GALNT14: variants seen among roughly 807,000 people sequenced by gnomAD.
The protein encoded by GALNT14 is polypeptide N-acetylgalactosaminyltransferase 14.
Under a neutral mutation model 77.5 loss-of-function variants are expected in GALNT14, and 60 were observed. That is an observed-to-expected ratio of 0.77 (90% CI 0.63 to 0.96). The LOEUF (loss-of-function observed/expected upper bound fraction) is 0.96, where lower values mean the gene tolerates loss of function less well. Ranked by LOEUF, GALNT14 falls within the 40% of genes least tolerant of loss-of-function variation. The pLI is 0.00. For synonymous variants in GALNT14, 280 were observed against 281.7 expected, an observed-to-expected ratio of 0.99 and a Z score of 0.06; for missense variants, 710 against 731.0, an observed-to-expected ratio of 0.97 and a Z score of 0.33.
intron 9 of GALNT14, among the ~76,000 whole-genome samples, chr2:30,933,761 A>T (rs557916141): frequency 5.4e-4 from 83 of 152,374 alleles, no homozygotes; most frequent in African/African-American, 2.0e-3. Flanking sequence ...CCAAGTCCGC[A>T]GTAACCAGCT....
intron 1 of GALNT14, among the ~76,000 whole-genome samples, chr2:30,996,469 C>T (rs1032594593): frequency 1.3e-5 from 2 of 152,230 alleles, no homozygotes; most frequent in Non-Finnish European, 2.9e-5. Flanking sequence ...TGGGTCATTG[C>T]CTCCCTGTGC....
In GALNT14 at chr2:31,061,889, T is replaced by A. The variant is rs150537227; in HGVS notation, c.130-68882A>T. ...ATTACCACATCTTATAACCCTCCCA[T>A]CCTCCCCCAGGTGCCTACTGCTACC... On this transcript the variant is annotated intron_variant, in intron 1 of 14. Coordinates refer to ENST00000349752, the MANE Select transcript of GALNT14 (RefSeq NM_024572.4). Among the ~76,000 whole-genome samples the A allele has an allele frequency of 1.3e-3, 204 of 152,136 alleles. 1 individual carries two copies. Among genetic ancestry groups the A allele is most frequent in the African/African-American group, 4.6e-3 (189 of 41,530 alleles).
At chr2:31,006,766 G>A (rs1573142748) in intron 1 of GALNT14, among the ~76,000 whole-genome samples, 1 of 152,182 alleles carries the variant, frequency 6.6e-6, no homozygotes, top group Admixed American at 6.5e-5. Flanking sequence ...AATATGGCTA[G>A]GAAGACAGTT....
chr2:30,906,010 C>T (rs1664133164), downstream of GALNT14, among the ~76,000 whole-genome samples: 1 of 150,684 alleles, frequency 6.6e-6, no homozygotes, highest in Non-Finnish European at 1.5e-5. Context: ...CAAGCAAATG[C>T]TGAGAGATTT....
intron 1 of GALNT14, among the ~76,000 whole-genome samples, chr2:31,096,821 C>T (rs1677024781): frequency 6.6e-6 from 1 of 152,116 alleles, no homozygotes; most frequent in Admixed American, 6.6e-5. Context: ...CCAGCACCAC[C>T]ACCACCATCC....
At position 30,910,729 on chromosome 2, in the gene GALNT14, A is replaced by T; in HGVS notation, c.*172T>A. ...TGTCTTTGAGCCCCATTGGCTTGTGATGTTTTCCTCTGTCCTCCCTGAGAC... is the reference window on the plus strand; with the variant it reads ...TGTCTTTGAGCCCCATTGGCTTGTGTTGTTTTCCTCTGTCCTCCCTGAGAC... On this transcript the variant is annotated 3_prime_UTR_variant, in exon 15 of 15. Transcript: ENST00000349752. The T allele has an allele frequency of 1.6e-6, 1 of 621,950 alleles. No homozygotes were observed. The highest frequency in any genetic ancestry group is 2.7e-6 in the Non-Finnish European group (1 of 368,958). 38.5% of individuals were successfully genotyped at this position (621,950 alleles called of 1,614,324 possible). A position where few individuals can be genotyped will look rare whatever the true frequency, so the allele number is the denominator to read the frequency against.
chr2:30,935,094 C>A (rs1373809099), intron 9 of GALNT14, among the ~76,000 whole-genome samples: 1 of 152,200 alleles, frequency 6.6e-6, no homozygotes, highest in African/African-American at 2.4e-5. Context: ...CCTTCATTTA[C>A]TTCTGGGCCA....
At chr2:30,963,748 A>T (rs1478397905) in intron 3 of GALNT14, among the ~76,000 whole-genome samples, 1 of 152,158 alleles carries the variant, frequency 6.6e-6, no homozygotes, top group African/African-American at 2.4e-5. Flanking sequence ...TAGGGTTTGG[A>T]TTTGACTCCA....
chr2:31,009,458 CCCT>C (rs1670885438), intron 1 of GALNT14, among the ~76,000 whole-genome samples: 1 of 152,160 alleles, frequency 6.6e-6, no homozygotes, highest in Non-Finnish European at 1.5e-5. Context: ...TAGCCCTGGT[CCCT>C]CCTCTCCACT....
At position 31,093,884 on chromosome 2, in the gene GALNT14, G is replaced by A. The variant is rs1676877955; in HGVS notation, c.129+44074C>T. On this transcript the variant is annotated intron_variant, in intron 1 of 14. Coordinates refer to ENST00000349752, the MANE Select transcript of GALNT14 (RefSeq NM_024572.4). ...TCCTACACTGAAGTACCCCAAGCAG[G>A]ACCTGAGAGGTCCTTCTCAATCATG... 2.0e-5 allele frequency among the ~76,000 whole-genome samples: 3 copies of A among 152,178 alleles called. No individual in the cohort carries two copies. The South Asian group carries it at 6.2e-4, about 32-fold the overall frequency.
chr2:31,113,464 C>G lies in GALNT14; in HGVS notation c.129+24494G>C, dbSNP rs185639074. Reference sequence around the variant, plus strand: ...CCCCTGGGAGGAAGGCAACTCCAGTCGTCAAGAATGTTCTGAGGGGATCTC... The same window carrying G: ...CCCCTGGGAGGAAGGCAACTCCAGTGGTCAAGAATGTTCTGAGGGGATCTC... On this transcript the variant is annotated intron_variant, in intron 1 of 14. Transcript: ENST00000349752. 1.9e-3 allele frequency among the ~76,000 whole-genome samples: 289 copies of G among 152,180 alleles called. 4 individuals carry two copies. The highest frequency in any genetic ancestry group is 6.6e-3 in the African/African-American group (275 of 41,506).
intron 1 of GALNT14, among the ~76,000 whole-genome samples, chr2:31,038,266 G>A (rs1007062186): frequency 6.6e-6 from 1 of 150,716 alleles, no homozygotes; most frequent in African/African-American, 2.4e-5. Flanking sequence ...GCTAATTTTT[G>A]TATTTTTAGT....
At chr2:30,983,645 A>G (rs900262953) in intron 2 of GALNT14, among the ~76,000 whole-genome samples, 4 of 152,198 alleles carry the variant, frequency 2.6e-5, no homozygotes, top group Non-Finnish European at 4.4e-5. Context: ...GACACTATTT[A>G]TTGAATTATA....
At chr2:30,937,868 C>A (rs1244233640) in intron 9 of GALNT14, among the ~76,000 whole-genome samples, 2 of 152,150 alleles carry the variant, frequency 1.3e-5, no homozygotes, top group African/African-American at 4.8e-5. Context: ...TCAGTCTCCA[C>A]TTTAAAGACT....
Position 30,924,195 on chromosome 2 carries a change from CT to C in GALNT14, c.1303del (p.Arg435GlyfsTer10), listed in dbSNP as rs756429855. On this transcript the variant is annotated frameshift_variant, in exon 13 of 15. Transcript: ENST00000349752. LOFTEE classifies it high-confidence loss of function. The stretch of plus-strand genomic sequence containing the variant: ...GTTTGGGGTTTCTTGGTTGTTCTGC[CT>C]TTGAGATTCCAGGCACTTCTGTCTC... ...RQRQKCLESQ[R>X]QNNQETPNLK... The C allele has an allele frequency of 6.2e-7, 1 of 1,614,192 alleles. No homozygotes were observed. Among genetic ancestry groups the C allele is most frequent in the Admixed American group, 1.7e-5 (1 of 60,016 alleles).
chr2:31,014,028 A>C (rs143861225), intron 1 of GALNT14, among the ~76,000 whole-genome samples: 1 of 152,250 alleles, frequency 6.6e-6, no homozygotes, highest in Non-Finnish European at 1.5e-5. Flanking sequence ...CTCAAGACCT[A>C]TGCTCTGACA....
At chr2:31,020,478 T>TG (rs2148459300) in intron 1 of GALNT14, among the ~76,000 whole-genome samples, 1 of 152,046 alleles carries the variant, frequency 6.6e-6, no homozygotes, top group East Asian at 1.9e-4. Context: ...AAGTTGGGAG[T>TG]GGGGCACAGC....
At chr2:30,982,435 G>A (rs1451747271) in intron 2 of GALNT14, among the ~76,000 whole-genome samples, 7 of 152,182 alleles carry the variant, frequency 4.6e-5, no homozygotes, top group Non-Finnish European at 1.0e-4. Flanking sequence ...TAGTCGAGTA[G>A]ATATAGAAAT....
Position 30,944,557 on chromosome 2 carries a change from C to T in GALNT14, c.827+301G>A, listed in dbSNP as rs187862542. Among the ~76,000 whole-genome samples the T allele has an allele frequency of 4.7e-4, 71 of 152,230 alleles. 2 individuals carry two copies. In the East Asian group the frequency reaches 5.2e-3, roughly 11 times the overall value. On this transcript the variant is annotated intron_variant, in intron 8 of 14. Transcript: ENST00000349752. ...GACCATCTTTCCCCTCACTAGAGGC[C>T]GAATGGGACCACTCAACCAACGTTG...
Sources: gnomAD v4.1 joint callset for allele counts (sites outside exome capture counted in the v4.1 genomes callset) on GRCh38, gnomAD v4.1.1 for gene constraint, MANE v1.5 for transcripts, NCBI Gene and HGNC (gene_info 2026-07-23, HGNC 2026-07-21) for gene names.